Variants in RAP1GAP2 observed in about 807,000 individuals in gnomAD.
RAP1GAP2 encodes rap1 GTPase-activating protein 2.
In RAP1GAP2, 27 loss-of-function variants were observed where a neutral mutation model predicts 95.0. That is an observed-to-expected ratio of 0.28 (90% CI 0.21 to 0.39). RAP1GAP2 has a LOEUF of 0.39. Ranked by LOEUF, RAP1GAP2 falls within the 10% of genes least tolerant of loss-of-function variation. The pLI is 1.00. For missense variants in RAP1GAP2, 771 were observed against 970.0 expected (o/e 0.79, Z 2.72); for synonymous variants, 373 against 380.9 (o/e 0.98, Z 0.24).
chr17:2,762,397 CTT>C (rs71150894), intron 1 of RAP1GAP2, among the ~76,000 whole-genome samples: 54 of 124,176 alleles, frequency 4.3e-4, no homozygotes, highest in South Asian at 4.1e-3. Flanking sequence ...TTTTTTCTTT[CTT>C]TTTTTTTTTT....
chr17:2,963,975 GGAGGAA>G lies in RAP1GAP2; in HGVS notation c.405_410del (p.Glu135_Glu136del), dbSNP rs1469947355. 6.2e-7 allele frequency: 1 copy of G among 1,613,002 alleles called. No homozygotes were observed. The highest frequency in any genetic ancestry group is 1.3e-5 in the African/African-American group (1 of 74,782). Reference sequence around the variant, plus strand: ...CGCTGGGGAGCAGCATCTGTGAGGAGGAGGAAGAGGACAACCTCAGCCCCAACACAT... The same window carrying G: ...CGCTGGGGAGCAGCATCTGTGAGGAGGAGGACAACCTCAGCCCCAACACAT... On this transcript the variant is annotated inframe_deletion, in exon 7 of 25. Coordinates refer to ENST00000254695, the MANE Select transcript of RAP1GAP2 (RefSeq NM_015085.5). The surrounding 1 kb of genome is among the most constrained non-coding windows in gnomAD (Gnocchi z 4.8).
chr17:2,801,708 C>T lies in RAP1GAP2; in HGVS notation c.80+1158C>T, dbSNP rs961085873. ...GTATGTCAGCATGGGCAGCCTGGCC[C>T]TGGGGCTTTCTGAGGCTCCCACGCC... On this transcript the variant is annotated intron_variant, in intron 2 of 24. Transcript: ENST00000254695. 4.0e-5 allele frequency among the ~76,000 whole-genome samples: 6 copies of T among 151,342 alleles called. No individual in the cohort carries two copies. The East Asian group carries it at 1.2e-3, about 30-fold the overall frequency.
At chr17:2,852,222 C>A (rs2071883024) in intron 2 of RAP1GAP2, among the ~76,000 whole-genome samples, 1 of 152,274 alleles carries the variant, frequency 6.6e-6, no homozygotes, top group Admixed American at 6.5e-5. Context: ...GTACTTGCAG[C>A]CTGCCTAACC....
chr17:3,023,532 T>C (rs1187556664), intron 19 of RAP1GAP2, among the ~76,000 whole-genome samples: 1 of 152,206 alleles, frequency 6.6e-6, no homozygotes, highest in East Asian at 1.9e-4. Flanking sequence ...TGGAGAAGGA[T>C]GAAAAGCTCT....
chr17:2,760,846 C>T (rs1597261545), intron 1 of RAP1GAP2, among the ~76,000 whole-genome samples: 1 of 152,266 alleles, frequency 6.6e-6, no homozygotes, highest in South Asian at 2.1e-4. Context: ...TTGTAGATTG[C>T]CACTCACTCA....
intron 3 of RAP1GAP2, among the ~76,000 whole-genome samples, chr17:2,955,836 A>G (rs1027776440): frequency 6.6e-6 from 1 of 152,096 alleles, no homozygotes; most frequent in African/African-American, 2.4e-5. Context: ...TAGTACTTGT[A>G]TTTTATTCTG....
intron 17 of RAP1GAP2, among the ~76,000 whole-genome samples, chr17:3,011,647 C>G (rs551349482): frequency 1.8e-5 from 2 of 110,336 alleles, no homozygotes; most frequent in African/African-American, 3.4e-5. Context: ...GAGTTTTGCT[C>G]TTGTTGCCCA....
Position 2,980,806 on chromosome 17 carries a change from C to T in RAP1GAP2, c.676-389C>T, listed in dbSNP as rs185182536. On this transcript the variant is annotated intron_variant, in intron 9 of 24. Coordinates refer to ENST00000254695, the MANE Select transcript of RAP1GAP2 (RefSeq NM_015085.5). ...AGCACCCCCTTGAGTAAGGAGGCTG[C>T]GAACCTGAGAACTGAGTTAGCAAAG... Among the ~76,000 whole-genome samples the T allele has an allele frequency of 2.2e-3, 340 of 152,204 alleles. 1 individual carries two copies. Among genetic ancestry groups the T allele is most frequent in the African/African-American group, 7.7e-3 (319 of 41,516 alleles).
intron 17 of RAP1GAP2, among the ~76,000 whole-genome samples, chr17:3,013,338 A>G (rs1383217356): frequency 1.3e-5 from 2 of 152,008 alleles, no homozygotes; most frequent in Non-Finnish European, 2.9e-5. Context: ...CCTGATGGGG[A>G]GTTGTGATGT....
chr17:2,869,627 G>GC (rs2072761632), intron 2 of RAP1GAP2, among the ~76,000 whole-genome samples: 1 of 152,134 alleles, frequency 6.6e-6, no homozygotes, highest in African/African-American at 2.4e-5. Context: ...TTCCCCAACA[G>GC]CCCACGTTCT....
chr17:2,836,842 G>T (rs2071151801), intron 2 of RAP1GAP2, among the ~76,000 whole-genome samples: 1 of 152,158 alleles, frequency 6.6e-6, no homozygotes, highest in African/African-American at 2.4e-5. Flanking sequence ...ATCTCAGTAG[G>T]TATGATTAAG....
rs397857982 is a variant in RAP1GAP2, at chr17:2,767,359, TAAAAAAAA to T, written c.51-2949_51-2942del. ...CCTGGGCAACAGAGTGAGACTCTGT[TAAAAAAAA>T]AAAAAAAAAAAAAAAAAAAAGGTTG... On this transcript the variant is annotated intron_variant, in intron 1 of 25. Transcript: ENST00000637138. Among the ~76,000 whole-genome samples, 259 of 53,726 alleles carry T rather than the reference TAAAAAAAA, an allele frequency of 4.8e-3. 3 individuals are homozygous for T. The highest frequency in any genetic ancestry group is 0.017 in the African/African-American group (238 of 14,086). 35.2% of individuals were successfully genotyped at this position (53,726 alleles called of 152,430 possible). A position where few individuals can be genotyped will look rare whatever the true frequency, so the allele number is the denominator to read the frequency against.
At chr17:2,838,875 C>G (rs1308388782) in intron 2 of RAP1GAP2, among the ~76,000 whole-genome samples, 1 of 152,160 alleles carries the variant, frequency 6.6e-6, no homozygotes, top group African/African-American at 2.4e-5. Flanking sequence ...GCTAACCTTC[C>G]TTATTAACAG....
chr17:2,779,029 G>A (rs573548821), intron 1 of RAP1GAP2, among the ~76,000 whole-genome samples: 1 of 152,288 alleles, frequency 6.6e-6, no homozygotes, highest in Admixed American at 6.5e-5. Flanking sequence ...GTGGTTCCCT[G>A]TGGGTACTCC....
In RAP1GAP2 at chr17:3,005,344, C is replaced by T. The variant is rs183224095; in HGVS notation, c.1201-25C>T. On this transcript the variant is annotated intron_variant, in intron 14 of 24. Coordinates refer to ENST00000254695, the MANE Select transcript of RAP1GAP2 (RefSeq NM_015085.5). This position sits in a 1 kb window ranked among gnomAD's most constrained non-coding sequence, Gnocchi z 5.2. ...AGCGCTCGTCTCTTCCCTCCAGGTC[C>T]GTACCATGACTCTGTTTCACTCAGG... 11 of 1,608,870 alleles carry T rather than the reference C, an allele frequency of 6.8e-6. No homozygotes were observed. Among genetic ancestry groups the T allele is most frequent in the Non-Finnish European group, 9.4e-6 (11 of 1,175,238 alleles).
rs962463706 is a variant in RAP1GAP2 at position 2,866,131 on chromosome 17, A to T, written c.81-39153A>T. 1.5e-4 allele frequency among the ~76,000 whole-genome samples: 23 copies of T among 152,324 alleles called. No individual in the cohort carries two copies. Among genetic ancestry groups the T allele is most frequent in the Non-Finnish European group, 2.9e-4 (20 of 68,020 alleles). On this transcript the variant is annotated intron_variant, in intron 2 of 24. Transcript: ENST00000254695. The surrounding 1 kb of genome is among the most constrained non-coding windows in gnomAD (Gnocchi z 4.0). ...GGCTGCCTGGAGTTGGTGGCATTTG[A>T]AGTGGGCCTCGGGGACTGGACAGGA...
intron 17 of RAP1GAP2, among the ~76,000 whole-genome samples, chr17:3,016,702 A>G (rs2151635901): frequency 6.6e-6 from 1 of 151,632 alleles, no homozygotes; most frequent in South Asian, 2.1e-4. Flanking sequence ...GAGTAGCCAC[A>G]CTTATCAGAT....
chr17:2,968,716 G>T (rs1264390029), intron 8 of RAP1GAP2, among the ~76,000 whole-genome samples: 1 of 152,032 alleles, frequency 6.6e-6, no homozygotes, highest in African/African-American at 2.4e-5. Flanking sequence ...AAATATAAAT[G>T]ACTTAAATTC....
intron 2 of RAP1GAP2, among the ~76,000 whole-genome samples, chr17:2,817,311 T>A (rs147981681): frequency 0.012 from 1,439 of 121,446 alleles, 420 homozygotes; most frequent in Non-Finnish European, 0.02. Flanking sequence ...TCCTTTCCTT[T>A]TAAGACTGAA....
Sources: allele counts gnomAD v4.1 joint callset (sites outside exome capture counted in the v4.1 genomes callset), GRCh38; gene constraint gnomAD v4.1.1; non-coding constraint Gnocchi (gnomAD v3.1); transcripts MANE v1.5; gene names NCBI Gene and HGNC (gene_info 2026-07-23, HGNC 2026-07-21).